The following CTCF variants were observed in gnomAD, a reference collection of about 807,000 sequenced individuals.
The protein encoded by CTCF is transcriptional repressor CTCF.
CTCF carries 7 observed loss-of-function variants against 72.3 expected under a neutral mutation model. The observed-to-expected ratio is 0.10, with a 90% confidence interval of 0.06 to 0.18. The LOEUF (loss-of-function observed/expected upper bound fraction) is 0.18, where lower values mean the gene tolerates loss of function less well. CTCF is among the 10% of genes least tolerant of loss of function. The pLI is 1.00. For synonymous variants in CTCF, 374 were observed against 315.8 expected (o/e 1.18, Z -1.95); for missense variants, 516 against 949.1 (o/e 0.54, Z 6.00).
intron 2 of CTCF, among the ~76,000 whole-genome samples, chr16:67,585,912 G>C (rs991661636): frequency 1.3e-5 from 2 of 151,922 alleles, no homozygotes; most frequent in African/African-American, 4.8e-5. Flanking sequence ...CAAAGTATTT[G>C]CTTCTTCCTT....
At chr16:67,622,373 C>T (rs527599769) in intron 7 of CTCF, among the ~76,000 whole-genome samples, 39 of 151,350 alleles carry the variant, frequency 2.6e-4, no homozygotes, top group Non-Finnish European at 4.1e-4. Context: ...AAAAAGGTAA[C>T]GAGTAAAAAG....
intron 2 of CTCF, among the ~76,000 whole-genome samples, chr16:67,591,631 T>C (rs566290262): frequency 6.6e-6 from 1 of 152,326 alleles, no homozygotes; most frequent in African/African-American, 2.4e-5. Context: ...AAAGAGTTAA[T>C]AACTTTTATT....
chr16:67,629,051 CAAA>C (rs75890530), intron 9 of CTCF, among the ~76,000 whole-genome samples: 1 of 130,560 alleles, frequency 7.7e-6, no homozygotes, highest in Admixed American at 7.8e-5. Context: ...GACTCCGTCT[CAAA>C]AAAAAAAAAA....
Position 67,637,944 on chromosome 16 carries a change from C to A in CTCF, c.*72C>A. The A allele has an allele frequency of 7.5e-7, 1 of 1,331,134 alleles. No individual in the cohort carries two copies. The highest frequency in any genetic ancestry group is 1.0e-6 in the Non-Finnish European group (1 of 997,306). 82.5% of individuals were successfully genotyped at this position (1,331,134 alleles called of 1,614,324 possible). A position where few individuals can be genotyped will look rare whatever the true frequency, so the allele number is the denominator to read the frequency against. On this transcript the variant is annotated 3_prime_UTR_variant, in exon 12 of 12. Coordinates refer to ENST00000264010, the MANE Select transcript of CTCF (RefSeq NM_006565.4). ...ACGGCCCGCATCTTAATTTTTCTCC[C>A]TTCTTTCTTTTTTTGGCTTTGGGAA...
chr16:67,617,271 G>A (rs909918351), intron 5 of CTCF, among the ~76,000 whole-genome samples: 1 of 151,988 alleles, frequency 6.6e-6, no homozygotes, highest in Non-Finnish European at 1.5e-5. Context: ...AGGCTGAGGT[G>A]GGTGGATCAC....
intron 2 of CTCF, among the ~76,000 whole-genome samples, chr16:67,605,118 A>G (rs978926780): frequency 4.0e-5 from 6 of 151,412 alleles, no homozygotes; most frequent in African/African-American, 1.5e-4. Context: ...GACTACAGGC[A>G]CCCGCCACCA....
At chr16:67,582,538 T>TA (rs1213417407) in intron 2 of CTCF, among the ~76,000 whole-genome samples, 7 of 151,784 alleles carry the variant, frequency 4.6e-5, no homozygotes, top group African/African-American at 1.4e-4. Context: ...ACTAAAAATA[T>TA]AAAAATCAGC....
intron 2 of CTCF, among the ~76,000 whole-genome samples, chr16:67,585,403 A>G (rs546043055): frequency 3.4e-4 from 52 of 152,300 alleles, no homozygotes; most frequent in Non-Finnish European, 6.2e-4. Flanking sequence ...AATGTTACCA[A>G]CTTTAAAAAA....
chr16:67,573,386 C>G (rs1273382317), intron 2 of CTCF, among the ~76,000 whole-genome samples: 2 of 151,904 alleles, frequency 1.3e-5, no homozygotes, highest in Admixed American at 1.3e-4. Flanking sequence ...GAGCCAAGAT[C>G]ACACCACTGC....
intron 1 of CTCF, among the ~76,000 whole-genome samples, chr16:67,565,440 C>G (rs554047838): frequency 6.6e-6 from 1 of 151,854 alleles, no homozygotes; most frequent in South Asian, 2.1e-4. Flanking sequence ...TTTGGGTGAC[C>G]AAGGCGGGAG....
At chr16:67,563,455 G>C (rs1400427717) in intron 1 of CTCF, 1 of 152,312 alleles carries the variant, frequency 6.6e-6, no homozygotes, top group East Asian at 1.9e-4. Flanking sequence ...CCCTCTGCAA[G>C]GCTGGCTGAG....
At chr16:67,577,485 T>C (rs891555558) in intron 2 of CTCF, among the ~76,000 whole-genome samples, 2 of 151,494 alleles carry the variant, frequency 1.3e-5, no homozygotes, top group African/African-American at 4.8e-5. Flanking sequence ...TTGCCCAGGC[T>C]GGAGTGCAGT....
intron 2 of CTCF, among the ~76,000 whole-genome samples, chr16:67,582,210 C>CA (rs60181073): frequency 0.031 from 3,018 of 95,956 alleles, 81 homozygotes; most frequent in African/African-American, 0.085. Flanking sequence ...GACTCCGTCT[C>CA]AAAAAAAAAA....
intron 2 of CTCF, among the ~76,000 whole-genome samples, chr16:67,576,343 C>A (rs546216355): frequency 6.6e-6 from 1 of 151,736 alleles, no homozygotes; most frequent in Non-Finnish European, 1.5e-5. Flanking sequence ...ACTAAACAGA[C>A]GTGGAAATCA....
At chr16:67,573,004 G>T (rs913902914) in intron 2 of CTCF, among the ~76,000 whole-genome samples, 2 of 118,470 alleles carry the variant, frequency 1.7e-5, no homozygotes, top group Non-Finnish European at 3.2e-5. Context: ...TGTAATCCCA[G>T]AACTTTGGGA....
intron 10 of CTCF, among the ~76,000 whole-genome samples, chr16:67,634,202 T>G (rs1397028865): frequency 6.6e-6 from 1 of 152,146 alleles, no homozygotes; most frequent in African/African-American, 2.4e-5. Context: ...TTATTTATTT[T>G]TGTTGTTATT....
chr16:67,617,386 C>T lies in CTCF; in HGVS notation c.1086+508C>T, dbSNP rs185214405. 8.6e-3 allele frequency among the ~76,000 whole-genome samples: 1,308 copies of T among 152,228 alleles called. 10 individuals are homozygous for T. Among genetic ancestry groups the T allele is most frequent in the Non-Finnish European group, 0.011 (767 of 68,016 alleles). On this transcript the variant is annotated intron_variant, in intron 5 of 11. Coordinates refer to ENST00000264010, the MANE Select transcript of CTCF (RefSeq NM_006565.4). ...TGGTGGCAGGCACCTATAGTCCCAG[C>T]TACTCGGGAGGCTGAGGCAGGAGAA...
In CTCF at chr16:67,638,549, A is replaced by G. The variant is rs140139907; in HGVS notation, c.*677A>G. The G allele has an allele frequency of 3.1e-3, 723 of 230,492 alleles. 1 individual carries two copies. The highest frequency in any genetic ancestry group is 5.1e-3 in the Non-Finnish European group (586 of 115,960). 14.3% of individuals were successfully genotyped at this position (230,492 alleles called of 1,614,324 possible). A position where few individuals can be genotyped will look rare whatever the true frequency, so the allele number is the denominator to read the frequency against. ...GTTACCACAGACTCTGTAGTGTGTA[A>G]ATGTTGACAAGGAATTGGATCACAA... On this transcript the variant is annotated 3_prime_UTR_variant, in exon 12 of 12. Coordinates refer to ENST00000264010, the MANE Select transcript of CTCF (RefSeq NM_006565.4).
intron 7 of CTCF, among the ~76,000 whole-genome samples, chr16:67,625,820 C>T (rs1232474862): frequency 6.7e-6 from 1 of 148,208 alleles, no homozygotes; most frequent in Non-Finnish European, 1.5e-5. Flanking sequence ...CCCCACCCCC[C>T]GACCCTGAAA....
Sources: allele counts gnomAD v4.1 joint callset (sites outside exome capture counted in the v4.1 genomes callset), GRCh38; gene constraint gnomAD v4.1.1; transcripts MANE v1.5; gene names NCBI Gene and HGNC (gene_info 2026-07-23, HGNC 2026-07-21).